The following EPHA6 variants were observed in gnomAD, a reference collection of about 807,000 sequenced individuals.
The protein encoded by EPHA6 is EPH receptor A6.
In EPHA6, 50 loss-of-function variants were observed where a neutral mutation model predicts 112.0. That is an observed-to-expected ratio of 0.45 (90% CI 0.36 to 0.56). The LOEUF is 0.56. Among genes scored for constraint, EPHA6 ranks in the 20% least tolerant of loss-of-function variants. The pLI, the probability that EPHA6 is intolerant of heterozygous loss-of-function variation, is 0.00. For missense variants in EPHA6, 1,280 were observed against 1,417.4 expected, an observed-to-expected ratio of 0.90 and a Z score of 1.56; for synonymous variants, 529 against 490.7, an observed-to-expected ratio of 1.08 and a Z score of -1.03.
intron 2 of EPHA6, among the ~76,000 whole-genome samples, chr3:96,973,356 C>A (rs1348810482): frequency 1.3e-5 from 2 of 152,114 alleles, no homozygotes; most frequent in Non-Finnish European, 2.9e-5. Flanking sequence ...AGTAAAACTT[C>A]TTACCCTTTT....
chr3:97,432,728 A>C (rs1056046368), intron 6 of EPHA6, among the ~76,000 whole-genome samples: 1 of 152,182 alleles, frequency 6.6e-6, no homozygotes, highest in Non-Finnish European at 1.5e-5. Flanking sequence ...GGCAAAGAAG[A>C]AGCAAGGACC....
At chr3:96,936,671 C>T (rs1019561844) in intron 2 of EPHA6, among the ~76,000 whole-genome samples, 2 of 151,876 alleles carry the variant, frequency 1.3e-5, no homozygotes, top group Admixed American at 1.3e-4. Context: ...AGGTTTGTTA[C>T]ATACGTACAC....
chr3:97,423,353 G>A lies in EPHA6; in HGVS notation c.1731+18079G>A, dbSNP rs375682554. Among the ~76,000 whole-genome samples the A allele has an allele frequency of 5.9e-5, 9 of 152,012 alleles. No homozygotes were observed. The South Asian group carries it at 1.9e-3, about 32-fold the overall frequency. ...AAAAATTGGTAGCATTTTTATACAT[G>A]AACATTGTCCAAGATGAGAGTCAAA... On this transcript the variant is annotated intron_variant, in intron 6 of 17. Transcript: ENST00000389672.
chr3:97,001,017 G>T (rs189095451), intron 3 of EPHA6, among the ~76,000 whole-genome samples: 2,275 of 113,908 alleles, frequency 0.02, 153 homozygotes, highest in African/African-American at 0.08. Flanking sequence ...GTCAGAAATT[G>T]ATATATATAT....
Position 97,394,301 on chromosome 3 carries a change from G to A in EPHA6, c.1607-10849G>A, listed in dbSNP as rs575797554. ...TGGATTAAAGACATGAATGTAAAAT[G>A]TGAAACTATGAAACTACTAGAAGAG... On this transcript the variant is annotated intron_variant, in intron 5 of 17. Transcript: ENST00000389672. 4.6e-5 allele frequency among the ~76,000 whole-genome samples: 7 copies of A among 151,936 alleles called. No homozygotes were observed. In the South Asian group the frequency reaches 1.2e-3, roughly 27 times the overall value.
At chr3:97,512,460 G>A (rs1291279158) in intron 10 of EPHA6, among the ~76,000 whole-genome samples, 2 of 152,074 alleles carry the variant, frequency 1.3e-5, no homozygotes, top group African/African-American at 2.4e-5. Flanking sequence ...TTGGAAAGAT[G>A]CCTTTTCTCT....
At chr3:97,024,219 AAT>A (rs2044559416) in intron 3 of EPHA6, among the ~76,000 whole-genome samples, 1 of 152,192 alleles carries the variant, frequency 6.6e-6, no homozygotes, top group Non-Finnish European at 1.5e-5. Context: ...CAAATGGCAA[AAT>A]ATGTAAATAT....
At chr3:97,043,497 G>T (rs750491051) in intron 3 of EPHA6, among the ~76,000 whole-genome samples, 2 of 152,152 alleles carry the variant, frequency 1.3e-5, no homozygotes, top group African/African-American at 4.8e-5. Context: ...CTATGCTGAT[G>T]CTCTTTAGGA....
intron 2 of EPHA6, among the ~76,000 whole-genome samples, chr3:96,895,135 G>A (rs991389940): frequency 6.6e-6 from 1 of 152,118 alleles, no homozygotes; most frequent in Non-Finnish European, 1.5e-5. Context: ...ATACGAAATG[G>A]CAGTTTCATG....
intron 3 of EPHA6, among the ~76,000 whole-genome samples, chr3:97,010,753 G>A (rs758149016): frequency 5.3e-5 from 8 of 152,056 alleles, no homozygotes; most frequent in Non-Finnish European, 1.2e-4. Flanking sequence ...CCACCTCCCG[G>A]GTTCAAGTGA....
intron 6 of EPHA6, among the ~76,000 whole-genome samples, chr3:97,424,806 C>CAAAAA (rs60277455): frequency 1.9e-5 from 1 of 52,082 alleles, no homozygotes; most frequent in African/African-American, 5.8e-5. Context: ...AACTCTGTCT[C>CAAAAA]AAAAAAAAAA....
intron 3 of EPHA6, among the ~76,000 whole-genome samples, chr3:97,098,316 T>C (rs1326489815): frequency 5.3e-5 from 8 of 151,978 alleles, no homozygotes. Context: ...CTGATTATTT[T>C]AAATTATTTG....
intron 6 of EPHA6, among the ~76,000 whole-genome samples, chr3:97,425,411 C>T (rs1373716175): frequency 6.6e-6 from 1 of 152,248 alleles, no homozygotes. Context: ...TATGTGAAAG[C>T]TTCTAAAGTT....
At chr3:97,156,988 C>T (rs1450354159) in intron 3 of EPHA6, among the ~76,000 whole-genome samples, 1 of 152,006 alleles carries the variant, frequency 6.6e-6, no homozygotes, top group Non-Finnish European at 1.5e-5. Flanking sequence ...TTAGAGTTAC[C>T]ACCATTCTTG....
intron 3 of EPHA6, among the ~76,000 whole-genome samples, chr3:97,054,437 C>T (rs1409952304): frequency 3.3e-5 from 5 of 152,036 alleles, no homozygotes; most frequent in Admixed American, 2.6e-4. Flanking sequence ...GGAGTTGTCA[C>T]TTGTGAAGAA....
intron 2 of EPHA6, among the ~76,000 whole-genome samples, chr3:96,927,605 A>G (rs1374983448): frequency 6.6e-6 from 1 of 152,192 alleles, no homozygotes; most frequent in Non-Finnish European, 1.5e-5. Context: ...CCTTTGCTCC[A>G]GTTCCCAATA....
chr3:96,895,292 A>G (rs1385213659), intron 2 of EPHA6, among the ~76,000 whole-genome samples: 2 of 152,280 alleles, frequency 1.3e-5, no homozygotes, highest in African/African-American at 2.4e-5. Context: ...ATAAAAAATA[A>G]TAAAGGTTGT....
chr3:97,714,980 T>G (rs1432492074), intron 14 of EPHA6, among the ~76,000 whole-genome samples: 1 of 152,242 alleles, frequency 6.6e-6, no homozygotes, highest in African/African-American at 2.4e-5. Context: ...AAGTCAAACC[T>G]TGGTTTCAAA....
intron 6 of EPHA6, among the ~76,000 whole-genome samples, chr3:97,439,409 A>C (rs2107269019): frequency 6.6e-6 from 1 of 152,302 alleles, no homozygotes; most frequent in Non-Finnish European, 1.5e-5. Flanking sequence ...TTTTTACCTA[A>C]GAAAAACATT....
Sources: gnomAD v4.1 joint callset for allele counts (sites outside exome capture counted in the v4.1 genomes callset) on GRCh38, gnomAD v4.1.1 for gene constraint, MANE v1.5 for transcripts, NCBI Gene and HGNC (gene_info 2026-07-23, HGNC 2026-07-21) for gene names.